G2E3: variants seen among roughly 807,000 people sequenced by gnomAD.
G2E3 encodes the protein G2/M phase-specific E3 ubiquitin-protein ligase.
A neutral mutation model predicts 92.8 loss-of-function variants in G2E3; 35 were observed. That is an observed-to-expected ratio of 0.38 (90% CI 0.29 to 0.50). The LOEUF (loss-of-function observed/expected upper bound fraction) is 0.50. Among genes scored for constraint, G2E3 ranks in the 20% least tolerant of loss-of-function variants. G2E3 has a pLI of 0.94. For missense variants in G2E3, 554 were observed against 823.8 expected (o/e 0.67, Z 4.01); for synonymous variants, 242 against 272.4 (o/e 0.89, Z 1.10).
At chr14:30,566,406 C>G (rs1355363191) in intron 1 of G2E3, among the ~76,000 whole-genome samples, 1 of 152,122 alleles carries the variant, frequency 6.6e-6, no homozygotes, top group Non-Finnish European at 1.5e-5. Context: ...ATTTACAGTT[C>G]TTTAATTTCT....
At chr14:30,579,164 G>T (rs1880287444) in intron 1 of G2E3, among the ~76,000 whole-genome samples, 1 of 151,982 alleles carries the variant, frequency 6.6e-6, no homozygotes, top group African/African-American at 2.4e-5. Flanking sequence ...AGGAAGAAAA[G>T]AAAGAAAAAA....
chr14:30,579,761 G>C (rs893963833), intron 1 of G2E3, among the ~76,000 whole-genome samples: 2 of 152,196 alleles, frequency 1.3e-5, no homozygotes, highest in Non-Finnish European at 2.9e-5. Flanking sequence ...ACCTTGGACA[G>C]GTGTTTAACC....
chr14:30,594,944 C>T (rs1371362726), intron 6 of G2E3, among the ~76,000 whole-genome samples: 5 of 148,266 alleles, frequency 3.4e-5, no homozygotes, highest in Non-Finnish European at 7.4e-5. Flanking sequence ...GCATGGCCAA[C>T]ATGGTGAAAC....
At position 30,601,984 on chromosome 14, in the gene G2E3, A is replaced by C; in HGVS notation, c.878-15A>C. The stretch of plus-strand genomic sequence containing the variant: ...TATATCTCTATTATGCTAACATGGA[A>C]ATTTAAATCTGTAGGAGAGTTCCAA... On this transcript the variant is annotated splice_polypyrimidine_tract_variant and intron_variant, in intron 9 of 14. Transcript: ENST00000206595. 1.9e-6 allele frequency: 3 copies of C among 1,607,720 alleles called. No homozygotes were observed. Among genetic ancestry groups the C allele is most frequent in the Non-Finnish European group, 2.5e-6 (3 of 1,176,760 alleles).
chr14:30,587,965 A>G (rs892290871), intron 3 of G2E3, among the ~76,000 whole-genome samples: 6 of 152,154 alleles, frequency 3.9e-5, no homozygotes, highest in Non-Finnish European at 7.3e-5. Context: ...TTTCAAATCT[A>G]CCACCATCCA....
chr14:30,609,792 C>T (rs1882003186), intron 12 of G2E3, among the ~76,000 whole-genome samples: 1 of 152,102 alleles, frequency 6.6e-6, no homozygotes, highest in Non-Finnish European at 1.5e-5. Flanking sequence ...CAAGAGACTT[C>T]TTACTTCCAA....
chr14:30,565,017 T>C (rs932835523), intron 1 of G2E3, among the ~76,000 whole-genome samples: 3 of 152,338 alleles, frequency 2.0e-5, no homozygotes, highest in East Asian at 1.9e-4. Flanking sequence ...CTGGGTGATA[T>C]GGTAGTCTTG....
In G2E3 at chr14:30,605,675, A is replaced by G; in HGVS notation, c.1181A>G (p.Tyr394Cys). The G allele has an allele frequency of 6.2e-7, 1 of 1,610,386 alleles. No homozygotes were observed. Among genetic ancestry groups the G allele is most frequent in the South Asian group, 1.1e-5 (1 of 90,658 alleles). The change falls in exon 11 of 15, where the codon TAT (tyrosine) becomes TGT (cysteine). Residue 394 changes from tyrosine (Y) to cysteine (C), a missense_variant. Physicochemically the swap from Tyr to Cys is radical, Grantham distance 194. This residue lies in a region of G2E3 where 397 missense variants were observed against 560.3 expected (regional missense o/e 0.71). Transcript: ENST00000206595. ...FNPSYAIEVA[Y>C]VIENDNFGSE... The stretch of plus-strand genomic sequence containing the variant: ...CCTTCATATGCAATTGAAGTAGCAT[A>G]TGTTATTGAAAATGATAATTTTGGA...
At chr14:30,567,128 G>A (rs570341709) in intron 1 of G2E3, among the ~76,000 whole-genome samples, 36 of 152,218 alleles carry the variant, frequency 2.4e-4, no homozygotes, top group Non-Finnish European at 4.3e-4. Flanking sequence ...TAATTGGCTT[G>A]TAGTTTTATT....
intron 3 of G2E3, among the ~76,000 whole-genome samples, chr14:30,587,968 AC>A (rs1880804527): frequency 6.6e-6 from 1 of 152,178 alleles, no homozygotes. Flanking sequence ...CAAATCTACC[AC>A]CATCCATGTT....
At chr14:30,582,607 G>C (rs772593371) in intron 2 of G2E3, among the ~76,000 whole-genome samples, 9 of 152,172 alleles carry the variant, frequency 5.9e-5, no homozygotes, top group African/African-American at 9.7e-5. Flanking sequence ...TCTTTCTCTT[G>C]AGCTTTATGC....
intron 11 of G2E3, among the ~76,000 whole-genome samples, chr14:30,607,597 A>G (rs1881891054): frequency 6.6e-6 from 1 of 152,086 alleles, no homozygotes; most frequent in African/African-American, 2.4e-5. Flanking sequence ...GTCATTCTTG[A>G]CCACAACATC....
chr14:30,584,304 T>A (rs1157552188), intron 2 of G2E3, among the ~76,000 whole-genome samples: 1 of 152,258 alleles, frequency 6.6e-6, no homozygotes, highest in Non-Finnish European at 1.5e-5. Flanking sequence ...GGCTTGTTTC[T>A]GCTTAGCTAT....
chr14:30,590,538 A>G, intron 4 of G2E3: 1 of 386,860 alleles, frequency 2.6e-6, no homozygotes, highest in South Asian at 2.0e-5. Context: ...CAAGTCTGGA[A>G]ATTAAGGAGG....
intron 1 of G2E3, chr14:30,573,720 G>A: frequency 6.6e-6 from 1 of 152,056 alleles, no homozygotes; most frequent in Non-Finnish European, 1.5e-5. Context: ...CTGCCTTCTG[G>A]TTTTATTCAG....
intron 10 of G2E3, among the ~76,000 whole-genome samples, chr14:30,603,273 C>T (rs1881663903): frequency 6.6e-6 from 1 of 151,178 alleles, no homozygotes; most frequent in South Asian, 2.1e-4. Context: ...TTGCAGTCAG[C>T]CAAGGTCGCG....
chr14:30,563,881 G>C (rs530407658), intron 1 of G2E3, among the ~76,000 whole-genome samples: 1 of 152,058 alleles, frequency 6.6e-6, no homozygotes, highest in Non-Finnish European at 1.5e-5. Context: ...ACCACGCCCG[G>C]CTAATTTTTG....
chr14:30,567,346 T>G (rs191076608), intron 1 of G2E3, among the ~76,000 whole-genome samples: 1 of 152,298 alleles, frequency 6.6e-6, no homozygotes, highest in African/African-American at 2.4e-5. Context: ...ATCTCTTGTT[T>G]GTAGATTTGT....
chr14:30,604,304 C>G (rs549244456), intron 10 of G2E3, among the ~76,000 whole-genome samples: 1 of 152,296 alleles, frequency 6.6e-6, no homozygotes, highest in East Asian at 1.9e-4. Flanking sequence ...AAAGAAAAAG[C>G]AAAACCTGGC....
Sources: allele counts gnomAD v4.1 joint callset (sites outside exome capture counted in the v4.1 genomes callset), GRCh38; gene constraint gnomAD v4.1.1; regional missense constraint gnomAD v4.1.1; transcripts MANE v1.5; gene names NCBI Gene and HGNC (gene_info 2026-07-23, HGNC 2026-07-21).